The following DHX38 variants were observed in gnomAD, a reference collection of about 807,000 sequenced individuals.
DHX38 encodes the protein pre-mRNA-splicing factor ATP-dependent RNA helicase PRP16.
In DHX38, 100 loss-of-function variants were observed where a neutral mutation model predicts 153.1. The ratio of observed to expected loss-of-function variants is 0.65; its 90% CI spans 0.56 to 0.77. The LOEUF (loss-of-function observed/expected upper bound fraction) is 0.77, where lower values mean the gene tolerates loss of function less well. Ranked by LOEUF, DHX38 falls within the 30% of genes least tolerant of loss-of-function variation. DHX38 has a pLI of 0.00. For synonymous variants in DHX38, 650 were observed against 631.7 expected (o/e 1.03, Z -0.43); for missense variants, 1,440 against 1,654.0 (o/e 0.87, Z 2.24).
In DHX38 at chr16:72,107,814, G is replaced by A; in HGVS notation, c.2964+15G>A. ...ACAGGCCCAAGGTGGGGCAGCGGCT[G>A]GCTCCCCTCTCCCCGGAGGGCTCGA... On this transcript the variant is annotated intron_variant, in intron 21 of 26. Coordinates refer to ENST00000268482, the MANE Select transcript of DHX38 (RefSeq NM_014003.4). The surrounding 1 kb of genome is among the most constrained non-coding windows in gnomAD (Gnocchi z 5.3). 1 of 1,611,582 alleles carries A rather than the reference G, an allele frequency of 6.2e-7. No individual in the cohort carries two copies.
intron 25 of DHX38, 26 bp downstream of exon 25, chr16:72,109,536 G>T: frequency 6.3e-7 from 1 of 1,594,740 alleles, no homozygotes; most frequent in Non-Finnish European, 8.5e-7. Context: ...TCTTCGCAGG[G>T]GTGCTGTTTG....
Position 72,107,826 on chromosome 16 carries a change from C to A in DHX38, c.2964+27C>A, listed in dbSNP as rs550201460. 2.5e-6 allele frequency: 4 copies of A among 1,608,426 alleles called. No homozygotes were observed. In the African/African-American group the frequency reaches 5.3e-5, roughly 21 times the overall value. ...TGGGGCAGCGGCTGGCTCCCCTCTC[C>A]CCGGAGGGCTCGAGGAAGTGTTGGG... On this transcript the variant is annotated intron_variant, in intron 21 of 26. Transcript: ENST00000268482. The surrounding 1 kb of genome is among the most constrained non-coding windows in gnomAD (Gnocchi z 5.3).
chr16:72,106,946 C>T (rs1040412985), intron 19 of DHX38, among the ~76,000 whole-genome samples: 6 of 151,960 alleles, frequency 3.9e-5, no homozygotes, highest in Non-Finnish European at 5.9e-5. Context: ...CGAGGCGGGC[C>T]GATCACAAGG....
In DHX38 at chr16:72,108,790, T is replaced by C. The variant is rs1467432623; in HGVS notation, c.3256-10T>C. ...TCCTGATGTGGCTGCCTGTTGTGTC[T>C]CCTCCCTAGGGAATCGGGGAGTACG... On this transcript the variant is annotated splice_polypyrimidine_tract_variant and intron_variant, in intron 23 of 26. Transcript: ENST00000268482. 1 of 1,611,438 alleles carries C rather than the reference T, an allele frequency of 6.2e-7. No homozygotes were observed. The highest frequency in any genetic ancestry group is 8.5e-7 in the Non-Finnish European group (1 of 1,178,692).
chr16:72,105,724 G>A, intron 18 of DHX38, 100 bp downstream of exon 18: 3 of 1,190,896 alleles, frequency 2.5e-6, no homozygotes, highest in Non-Finnish European at 2.5e-6. Flanking sequence ...TGGGATGTGG[G>A]GAGCGCGTGG....
intron 12 of DHX38, 101 bp downstream of exon 12, chr16:72,103,312 G>C: frequency 6.9e-7 from 1 of 1,456,538 alleles, no homozygotes; most frequent in Non-Finnish European, 9.2e-7. Flanking sequence ...ATTGCACCCA[G>C]TGGAGAAGGG....
intron 24 of DHX38, 49 bp downstream of exon 24, chr16:72,108,974 A>C: frequency 8.4e-6 from 13 of 1,543,148 alleles, no homozygotes; most frequent in Non-Finnish European, 1.1e-5. Flanking sequence ...CTGTCTGGCC[A>C]GGCTTTGAAA....
At position 72,106,839 on chromosome 16, in the gene DHX38, C is replaced by T. The variant is rs543076082; in HGVS notation, c.2601-501C>T. On this transcript the variant is annotated intron_variant, in intron 19 of 26. Coordinates refer to ENST00000268482, the MANE Select transcript of DHX38 (RefSeq NM_014003.4). The stretch of plus-strand genomic sequence containing the variant: ...TAGAAAAATATCAAGAAAATAAAAC[C>T]CAGCCATGATTCTAGTCCCAGGCCC... Among the ~76,000 whole-genome samples, 3 of 152,248 alleles carry T rather than the reference C, an allele frequency of 2.0e-5. No individual in the cohort carries two copies. The South Asian group carries it at 6.2e-4, about 32-fold the overall frequency.
intron 12 of DHX38, 139 bp downstream of exon 12, chr16:72,103,350 C>G: frequency 8.3e-7 from 1 of 1,198,372 alleles, no homozygotes; most frequent in Non-Finnish European, 1.1e-6. Context: ...GACCTCATGC[C>G]TGGGGTACAC....
rs1201110849 is a variant in DHX38 at position 72,096,370 on chromosome 16, G to C, written c.213G>C (p.Lys71Asn). 1 of 1,614,212 alleles carries C rather than the reference G, an allele frequency of 6.2e-7. No homozygotes were observed. The highest frequency in any genetic ancestry group is 8.5e-7 in the Non-Finnish European group (1 of 1,180,036). Residue 71 changes from lysine (K) to asparagine (N), a missense_variant, in exon 2 of 27, where the codon AAG becomes AAC. Physicochemically the swap from Lys to Asn is moderately conservative, Grantham distance 94 (BLOSUM62 0). This residue lies in a region of DHX38 where 483 missense variants were observed against 465.1 expected (regional missense o/e 1.04). Coordinates refer to ENST00000268482, the MANE Select transcript of DHX38 (RefSeq NM_014003.4). Reference sequence around the variant, plus strand: ...AGGAGAAGGACGATGGGGAGGACAAGAAGAAGTCCAAAGTCTCCTCCTACA... The same window carrying C: ...AGGAGAAGGACGATGGGGAGGACAACAAGAAGTCCAAAGTCTCCTCCTACA... ...EREEKDDGED[K>N]KKSKVSSYKD...
chr16:72,096,734 A>T (rs2042024682), intron 2 of DHX38, 88 bp from the exon 3 acceptor site: 1 of 1,517,262 alleles, frequency 6.6e-7, no homozygotes, highest in Non-Finnish European at 8.8e-7. Flanking sequence ...GTGGAAAAGG[A>T]CAGATCACTT....
chr16:72,096,513 A>T (rs1567602647), intron 2 of DHX38, 33 bp downstream of exon 2: 7 of 1,556,000 alleles, frequency 4.5e-6, no homozygotes, highest in Non-Finnish European at 6.1e-6. Context: ...GCCCAGAGGG[A>T]AGCGAACGGA....
chr16:72,108,200 G>A, intron 21 of DHX38, 27 bp from the exon 22 acceptor site: 1 of 1,612,074 alleles, frequency 6.2e-7, no homozygotes, highest in East Asian at 2.2e-5. Context: ...CCTGTACTTA[G>A]AGTGAAGGTT....
chr16:72,112,611 T>C lies in DHX38; in HGVS notation c.*114T>C. The C allele has an allele frequency of 8.7e-7, 1 of 1,147,350 alleles. No homozygotes were observed. Among genetic ancestry groups the C allele is most frequent in the East Asian group, 2.5e-5 (1 of 40,298 alleles). The allele number at this position is 1,147,350 out of a possible 1,614,324, so 71.1% of individuals were successfully genotyped here. On this transcript the variant is annotated 3_prime_UTR_variant, in exon 27 of 27. Coordinates refer to ENST00000268482, the MANE Select transcript of DHX38 (RefSeq NM_014003.4). Reference sequence around the variant, plus strand: ...ATCTGAGGACTTTCATCTGTGCATATCACGGCCCCCCAGGGCAGTTCCTGC... The same window carrying C: ...ATCTGAGGACTTTCATCTGTGCATACCACGGCCCCCCAGGGCAGTTCCTGC...
At chr16:72,112,021 GC>G in intron 26 of DHX38, 1 of 219,176 alleles carries the variant, frequency 4.6e-6, no homozygotes, top group Non-Finnish European at 9.2e-6. Flanking sequence ...GGGCTGAGGG[GC>G]CCCCATGAAT....
chr16:72,105,400 C>T (rs754753444), intron 17 of DHX38, 52 bp downstream of exon 17: 36 of 1,601,658 alleles, frequency 2.2e-5, no homozygotes, highest in South Asian at 5.5e-5. Flanking sequence ...CTAAAGGAAG[C>T]GAGAGGGGAT....
chr16:72,096,361 G>T lies in DHX38; in HGVS notation c.204G>T (p.Gly68=). ...GAGAGCGAGAGGAGAAGGACGATGG[G>T]GAGGACAAGAAGAAGTCCAAAGTCT... ...KRREREEKDD[G]EDKKKSKVSS... is the part of the protein sequence containing the mutation. Residue 68 remains glycine (G), a synonymous_variant, in exon 2 of 27, where the codon GGG becomes GGT. Transcript: ENST00000268482. 2 of 1,614,200 alleles carry T rather than the reference G, an allele frequency of 1.2e-6. No homozygotes were observed. Among genetic ancestry groups the T allele is most frequent in the Non-Finnish European group, 1.7e-6 (2 of 1,180,044 alleles).
In DHX38 at chr16:72,099,744, G is replaced by A; in HGVS notation, c.973G>A (p.Asp325Asn). The change falls in exon 8 of 27, where the codon GAT becomes AAT. Residue 325 changes from aspartate (D) to asparagine (N), a missense_variant. Physicochemically the swap from Asp to Asn is conservative, Grantham distance 23 (BLOSUM62 1). Around this residue, in one of 6 missense-constraint regions of DHX38, gnomAD observed 483 missense variants for 465.1 expected, o/e 1.04. Coordinates refer to ENST00000268482, the MANE Select transcript of DHX38 (RefSeq NM_014003.4). The part of the protein sequence containing the change: ...WEDDQRQADR[D>N]WYMMDEGYDE... Reference sequence around the variant, plus strand: ...TCCTGCCCTGCAGCAAGCCGATCGGGATTGGTACATGATGGACGAGGGCTA... The same window carrying A: ...TCCTGCCCTGCAGCAAGCCGATCGGAATTGGTACATGATGGACGAGGGCTA... 1 of 1,614,180 alleles carries A rather than the reference G, an allele frequency of 6.2e-7. No individual in the cohort carries two copies. The highest frequency in any genetic ancestry group is 8.5e-7 in the Non-Finnish European group (1 of 1,180,016).
intron 3 of DHX38, chr16:72,097,264 G>A: frequency 2.3e-6 from 1 of 427,530 alleles, no homozygotes; most frequent in Non-Finnish European, 4.2e-6. Flanking sequence ...GGAGATAATG[G>A]GTAAATATGT....
Sources: gnomAD v4.1 joint callset for allele counts (sites outside exome capture counted in the v4.1 genomes callset) on GRCh38, gnomAD v4.1.1 for gene constraint, gnomAD v4.1.1 regional missense constraint, Gnocchi (gnomAD v3.1) non-coding constraint, MANE v1.5 for transcripts, NCBI Gene and HGNC (gene_info 2026-07-23, HGNC 2026-07-21) for gene names.